Variants in GPCPD1 observed in about 807,000 individuals in gnomAD.
The protein encoded by GPCPD1 is glycerophosphocholine phosphodiesterase 1.
A neutral mutation model predicts 89.2 loss-of-function variants in GPCPD1; 29 were observed. The ratio of observed to expected loss-of-function variants is 0.33; its 90% confidence interval spans 0.24 to 0.44. The LOEUF is 0.44. Ranked by LOEUF, GPCPD1 falls within the 20% of genes least tolerant of loss-of-function variation. The pLI, the probability that GPCPD1 is intolerant of heterozygous loss-of-function variation, is 1.00. For synonymous variants in GPCPD1, 258 were observed against 266.3 expected (o/e 0.97, Z 0.30); for missense variants, 594 against 808.9 (o/e 0.73, Z 3.22).
At chr20:5,592,475 ATT>A (rs1219362161) in intron 4 of GPCPD1, among the ~76,000 whole-genome samples, 1 of 152,174 alleles carries the variant, frequency 6.6e-6, no homozygotes, top group Non-Finnish European at 1.5e-5. Context: ...ATTTTTTGTC[ATT>A]TTGTCTCTTT....
chr20:5,569,444 CA>C lies in GPCPD1; in HGVS notation c.1149+702del, dbSNP rs1011784655. Reference sequence around the variant, plus strand: ...TATCATTATCATGATTATGTTTGTACAAAAACAATTACAGTTTTTTTACAGC... The same window carrying C: ...TATCATTATCATGATTATGTTTGTACAAAACAATTACAGTTTTTTTACAGC... On this transcript the variant is annotated intron_variant, in intron 12 of 19. Coordinates refer to ENST00000379019, the MANE Select transcript of GPCPD1 (RefSeq NM_019593.5). Among the ~76,000 whole-genome samples, 519 of 152,024 alleles carry C rather than the reference CA, an allele frequency of 3.4e-3. 5 individuals are homozygous for C. The highest frequency in any genetic ancestry group is 0.012 in the African/African-American group (483 of 41,450).
At chr20:5,602,800 T>C (rs1046316284) in intron 2 of GPCPD1, among the ~76,000 whole-genome samples, 12 of 152,052 alleles carry the variant, frequency 7.9e-5, no homozygotes, top group Non-Finnish European at 1.0e-4. Flanking sequence ...CTGGCCAACA[T>C]GGCAAAACCC....
chr20:5,565,446 C>G (rs1986348390), intron 14 of GPCPD1, among the ~76,000 whole-genome samples: 1 of 151,954 alleles, frequency 6.6e-6, no homozygotes. Context: ...TCAGGCTGAT[C>G]TTGAACTCCT....
intron 13 of GPCPD1, 69 bp from the exon 14 acceptor site, chr20:5,566,841 A>G: frequency 2.1e-6 from 2 of 952,266 alleles, no homozygotes; most frequent in South Asian, 1.4e-5. Context: ...GTTAACAGAA[A>G]ATATCCTGAA....
chr20:5,599,310 G>A (rs75152685), intron 2 of GPCPD1, among the ~76,000 whole-genome samples: 2,344 of 152,106 alleles, frequency 0.015, 24 homozygotes, highest in Non-Finnish European at 0.026. Flanking sequence ...AGCACTCTGG[G>A]AAGCTGAGGT....
chr20:5,575,602 T>A (rs1282875851), intron 9 of GPCPD1, 57 bp from the exon 10 acceptor site: 2 of 1,175,536 alleles, frequency 1.7e-6, no homozygotes, highest in Non-Finnish European at 2.5e-6. Context: ...AGGGCCATTA[T>A]GAGCTACATT....
intron 7 of GPCPD1, among the ~76,000 whole-genome samples, chr20:5,579,515 G>A (rs543352155): frequency 5.9e-5 from 9 of 152,112 alleles, no homozygotes; most frequent in African/African-American, 1.7e-4. Flanking sequence ...GCCCAGCTAA[G>A]TTTTGTATTT....
chr20:5,572,557 T>C (rs1986781486), intron 11 of GPCPD1, among the ~76,000 whole-genome samples: 2 of 152,192 alleles, frequency 1.3e-5, no homozygotes. Flanking sequence ...AAACACTGAC[T>C]AACCAAGTTT....
intron 19 of GPCPD1, among the ~76,000 whole-genome samples, chr20:5,553,431 G>A (rs2122542501): frequency 6.6e-6 from 1 of 152,152 alleles, no homozygotes; most frequent in Non-Finnish European, 1.5e-5. Flanking sequence ...ACCTTACAAT[G>A]GCCCCTAAGT....
At chr20:5,580,508 G>A (rs111926731) in intron 6 of GPCPD1, among the ~76,000 whole-genome samples, 7 of 152,164 alleles carry the variant, frequency 4.6e-5, no homozygotes, top group African/African-American at 1.7e-4. Context: ...GGCGGATTAC[G>A]AAGTCAGGAG....
In GPCPD1 at chr20:5,562,431, T is replaced by C. The variant is rs1395434805; in HGVS notation, c.1330-901A>G. Among the ~76,000 whole-genome samples, 6 of 152,214 alleles carry C rather than the reference T, an allele frequency of 3.9e-5. No individual in the cohort carries two copies. The East Asian group carries it at 1.2e-3, about 29-fold the overall frequency. On this transcript the variant is annotated intron_variant, in intron 15 of 19. Coordinates refer to ENST00000379019, the MANE Select transcript of GPCPD1 (RefSeq NM_019593.5). ...CCAAGTAGCTGGGATTACAGGTGCCTGCCACCACGCCTGGCTAATTTTTTG... is the reference window on the plus strand; with the variant it reads ...CCAAGTAGCTGGGATTACAGGTGCCCGCCACCACGCCTGGCTAATTTTTTG...
chr20:5,583,101 G>A (rs961873609), intron 6 of GPCPD1, among the ~76,000 whole-genome samples: 2 of 151,612 alleles, frequency 1.3e-5, no homozygotes, highest in East Asian at 1.9e-4. Context: ...GGGCATGCCT[G>A]TAATCCAAGC....
At chr20:5,576,054 C>G (rs1978287933) in intron 8 of GPCPD1, 76 bp from the exon 9 acceptor site, 2 of 600,728 alleles carry the variant, frequency 3.3e-6, no homozygotes, top group East Asian at 5.6e-5. Context: ...CACACACACA[C>G]ACACACAGAC....
intron 1 of GPCPD1, among the ~76,000 whole-genome samples, chr20:5,608,809 G>GT (rs1239050700): frequency 6.6e-6 from 1 of 152,124 alleles, no homozygotes; most frequent in South Asian, 2.1e-4. Context: ...TTTTGAAAAC[G>GT]TAACATCTAT....
intron 1 of GPCPD1, among the ~76,000 whole-genome samples, chr20:5,605,355 T>TA (rs1196717259): frequency 6.6e-6 from 1 of 152,236 alleles, no homozygotes; most frequent in Non-Finnish European, 1.5e-5. Context: ...AAGCTTCACT[T>TA]AATGAATTTC....
At chr20:5,576,580 C>T (rs1166034858) in intron 8 of GPCPD1, among the ~76,000 whole-genome samples, 1 of 152,080 alleles carries the variant, frequency 6.6e-6, no homozygotes, top group African/African-American at 2.4e-5. Flanking sequence ...TTTCTTTGTA[C>T]ATTTTAAAAT....
chr20:5,607,804 T>C (rs531291379), intron 1 of GPCPD1, among the ~76,000 whole-genome samples: 1 of 141,238 alleles, frequency 7.1e-6, no homozygotes, highest in Admixed American at 7.3e-5. Context: ...TGTGACAGAA[T>C]GAGACTCTGT....
intron 1 of GPCPD1, 125 bp from the exon 2 acceptor site, chr20:5,604,565 T>C (rs561070979): frequency 1.2e-4 from 32 of 265,634 alleles, no homozygotes; most frequent in Non-Finnish European, 2.2e-4. Flanking sequence ...TCTTTGCAGT[T>C]TTATGGTGGG....
intron 11 of GPCPD1, among the ~76,000 whole-genome samples, 177 bp from the exon 12 acceptor site, chr20:5,570,416 T>A (rs1196910244): frequency 7.6e-5 from 11 of 144,908 alleles, no homozygotes; most frequent in Non-Finnish European, 1.5e-5. Flanking sequence ...GCACAGCTAC[T>A]TTTTCCTGGC....
Sources: gnomAD v4.1 joint callset for allele counts (sites outside exome capture counted in the v4.1 genomes callset) on GRCh38, gnomAD v4.1.1 for gene constraint, MANE v1.5 for transcripts, NCBI Gene and HGNC (gene_info 2026-07-23, HGNC 2026-07-21) for gene names.